The following SYBU variants were observed in gnomAD, a reference collection of about 807,000 sequenced individuals.
The protein encoded by SYBU is GOLSYN A protein.
In SYBU, 21 loss-of-function variants were observed where a neutral mutation model predicts 35.9. The observed-to-expected ratio is 0.58, with a 90% CI of 0.41 to 0.84. The LOEUF (loss-of-function observed/expected upper bound fraction) is 0.84, where lower values mean the gene tolerates loss of function less well. Ranked by LOEUF, SYBU falls within the 40% of genes least tolerant of loss-of-function variation. The pLI, the probability that SYBU is intolerant of heterozygous loss-of-function variation, is 0.00. For synonymous variants in SYBU, 319 were observed against 324.3 expected, an observed-to-expected ratio of 0.98 and a Z score of 0.18; for missense variants, 768 against 848.2, an observed-to-expected ratio of 0.91 and a Z score of 1.17.
chr8:109,634,910 T>C (rs1814044603), intron 2 of SYBU, among the ~76,000 whole-genome samples: 1 of 152,226 alleles, frequency 6.6e-6, no homozygotes, highest in Non-Finnish European at 1.5e-5. Context: ...TGCACTATTG[T>C]TATTATCTTT....
At chr8:109,690,485 C>T (rs1166483123) in intron 1 of SYBU, among the ~76,000 whole-genome samples, 1 of 152,214 alleles carries the variant, frequency 6.6e-6, no homozygotes, top group Non-Finnish European at 1.5e-5. Context: ...CTGCCCTTTG[C>T]TTCTGCTGCA....
chr8:109,660,804 T>G (rs915179259), intron 1 of SYBU, among the ~76,000 whole-genome samples: 1 of 152,234 alleles, frequency 6.6e-6, no homozygotes, highest in African/African-American at 2.4e-5. Context: ...CTTTTTTTAC[T>G]TATGACAAAT....
rs1195814999 is a variant in SYBU at position 109,580,007 on chromosome 8, G to C, written c.531-5C>G. Reference sequence around the variant, plus strand: ...CTCCGCCCATGAGGACCTCGACTGGGAGAAAAGAATGAAAAATGTTAAAAT... The same window carrying C: ...CTCCGCCCATGAGGACCTCGACTGGCAGAAAAGAATGAAAAATGTTAAAAT... On this transcript the variant is annotated splice_region_variant and splice_polypyrimidine_tract_variant and intron_variant, in intron 4 of 6. Coordinates refer to ENST00000276646, the MANE Select transcript of SYBU (RefSeq NM_001099754.2). The C allele has an allele frequency of 1.2e-6, 2 of 1,611,664 alleles. No homozygotes were observed. Among genetic ancestry groups the C allele is most frequent in the African/African-American group, 1.3e-5 (1 of 74,844 alleles).
At chr8:109,618,418 A>G (rs1812056700) in intron 3 of SYBU, among the ~76,000 whole-genome samples, 2 of 152,172 alleles carry the variant, frequency 1.3e-5, no homozygotes, top group African/African-American at 2.4e-5. Context: ...AGCTCTACAT[A>G]TTTGCATCAA....
chr8:109,642,702 C>T lies in SYBU; in HGVS notation c.229+26G>A. The stretch of plus-strand genomic sequence containing the variant: ...CCTGCAGTGCACACGCTTCACGCCT[C>T]TGGTGGCCTCCCGAGGGTACTGTAC... On this transcript the variant is annotated intron_variant, in intron 2 of 6. Coordinates refer to ENST00000276646, the MANE Select transcript of SYBU (RefSeq NM_001099754.2). The T allele has an allele frequency of 2.6e-6, 4 of 1,539,268 alleles. No individual in the cohort carries two copies. The South Asian group carries it at 3.7e-5, about 14-fold the overall frequency.
intron 6 of SYBU, 27 bp downstream of exon 6, chr8:109,577,841 C>G: frequency 6.3e-7 from 1 of 1,593,042 alleles, no homozygotes; most frequent in African/African-American, 1.3e-5. Context: ...TGTCCTACAC[C>G]CCACCGTTCA....
chr8:109,575,144 T>C lies in SYBU; in HGVS notation c.1754A>G (p.Glu585Gly). 1.2e-6 allele frequency: 2 copies of C among 1,614,200 alleles called. No homozygotes were observed. Among genetic ancestry groups the C allele is most frequent in the Non-Finnish European group, 1.7e-6 (2 of 1,180,030 alleles). ...CAGTGGGATGACACCATCCAACCTC[T>C]CTTCCACGCAGGCTGCAAAATCCAG... is the stretch of plus-strand genomic sequence containing the variant. ...RELDFAACVE[E>G]RLDGVIPLAR... The change falls in exon 7 of 7, where the codon GAG (glutamate) becomes GGG (glycine). Residue 585 changes from glutamate to glycine, a missense_variant. Transcript: ENST00000276646.
At chr8:109,643,147 GCACACACACA>G (rs35325438) in intron 1 of SYBU, 98 of 1,142,132 alleles carry the variant, frequency 8.6e-5, no homozygotes, top group South Asian at 2.2e-4. Flanking sequence ...TGTCTGTGTG[GCACACACACA>G]CACACACACA....
At chr8:109,638,028 C>T (rs1814420739) in intron 2 of SYBU, among the ~76,000 whole-genome samples, 1 of 152,188 alleles carries the variant, frequency 6.6e-6, no homozygotes, top group Non-Finnish European at 1.5e-5. Flanking sequence ...AAGTCGCACA[C>T]TTGCCTGTGT....
At chr8:109,582,009 C>T (rs1197241618) in intron 4 of SYBU, among the ~76,000 whole-genome samples, 2 of 152,102 alleles carry the variant, frequency 1.3e-5, no homozygotes, top group African/African-American at 4.8e-5. Flanking sequence ...GAACATGTAC[C>T]CTGGTGTGCA....
intron 1 of SYBU, among the ~76,000 whole-genome samples, chr8:109,675,092 G>A (rs904486541): frequency 6.6e-6 from 1 of 152,118 alleles, no homozygotes; most frequent in South Asian, 2.1e-4. Context: ...TGAAACCAAC[G>A]AGAACAAAGA....
chr8:109,664,077 A>AATG (rs1586973927), intron 1 of SYBU, among the ~76,000 whole-genome samples: 1 of 152,224 alleles, frequency 6.6e-6, no homozygotes, highest in East Asian at 1.9e-4. Flanking sequence ...AATCACATAC[A>AATG]ATGTATTTAG....
At chr8:109,677,690 C>T (rs1817241437) in intron 1 of SYBU, among the ~76,000 whole-genome samples, 1 of 152,182 alleles carries the variant, frequency 6.6e-6, no homozygotes, top group South Asian at 2.1e-4. Context: ...TCAATTCTTT[C>T]AGCAACCCTA....
chr8:109,609,024 G>T (rs976745392), intron 3 of SYBU, among the ~76,000 whole-genome samples: 1 of 152,106 alleles, frequency 6.6e-6, no homozygotes, highest in Admixed American at 6.6e-5. Flanking sequence ...TAAAGAAAAA[G>T]AGAGAATATT....
At position 109,657,796 on chromosome 8, in the gene SYBU, T is replaced by C. The variant is rs180922644; in HGVS notation, c.-129+22915A>G. On this transcript the variant is annotated intron_variant, in intron 1 of 5. Coordinates refer to the SYBU transcript ENST00000408889. ...TTAATTGTAGCAGCCCTTCAAAGTG[T>C]TTAATAAACATTTCATGTTCTTTGA... is the stretch of plus-strand genomic sequence containing the variant. 1.2e-3 allele frequency among the ~76,000 whole-genome samples: 180 copies of C among 152,302 alleles called. 2 individuals are homozygous for C. The highest frequency in any genetic ancestry group is 8.8e-5 in the Non-Finnish European group (6 of 68,012).
In SYBU at chr8:109,618,916, A is replaced by G. The variant is rs776367835; in HGVS notation, c.353T>C (p.Ile118Thr). The G allele has an allele frequency of 1.9e-6, 3 of 1,614,178 alleles. No homozygotes were observed. The highest frequency in any genetic ancestry group is 4.5e-5 in the East Asian group (2 of 44,874). The change falls in exon 3 of 7, where the codon ATT becomes ACT. Residue 118 changes from isoleucine to threonine, a missense_variant. By Grantham distance (89) the Ile-to-Thr change is moderately conservative. Coordinates refer to ENST00000276646, the MANE Select transcript of SYBU (RefSeq NM_001099754.2). Reference sequence around the variant, plus strand: ...AATGCTTCCTTCACCAACCATTCCAATCGTGCATTTCTTTCTGGTGAAGCC... The same window carrying G: ...AATGCTTCCTTCACCAACCATTCCAGTCGTGCATTTCTTTCTGGTGAAGCC... Reference protein sequence around the residue: ...DEGFTRKKCTIGMVGEGSIQS... With the variant: ...DEGFTRKKCTTGMVGEGSIQS...
chr8:109,657,707 GC>G (rs1816407324), intron 1 of SYBU, among the ~76,000 whole-genome samples: 1 of 152,154 alleles, frequency 6.6e-6, no homozygotes, highest in African/African-American at 2.4e-5. Flanking sequence ...GCTGTGTGAG[GC>G]TTTTCAATCT....
intron 3 of SYBU, among the ~76,000 whole-genome samples, chr8:109,609,557 C>T (rs1401767312): frequency 6.6e-6 from 1 of 152,088 alleles, no homozygotes; most frequent in African/African-American, 2.4e-5. Flanking sequence ...ACAGAAAAAC[C>T]AGCTGTCCCA....
chr8:109,645,226 T>TTA, upstream of SYBU: 1 of 456,714 alleles, frequency 2.2e-6, no homozygotes, highest in Non-Finnish European at 4.4e-6. Context: ...CCTCCAGGTC[T>TTA]TAAGTCAGCC....
Sources: allele counts gnomAD v4.1 joint callset (sites outside exome capture counted in the v4.1 genomes callset), GRCh38; gene constraint gnomAD v4.1.1; transcripts MANE v1.5; gene names NCBI Gene and HGNC (gene_info 2026-07-23, HGNC 2026-07-21).